TTK: variants seen among roughly 807,000 people sequenced by gnomAD.
The protein encoded by TTK is TTK protein kinase, also known as dual specificity protein kinase TTK.
TTK carries 59 observed loss-of-function variants against 117.3 expected under a neutral mutation model. The ratio of observed to expected loss-of-function variants is 0.50; its 90% CI spans 0.41 to 0.62. TTK has a LOEUF of 0.62. TTK is among the 20% of genes least tolerant of loss of function. The pLI, the probability that TTK is intolerant of heterozygous loss-of-function variation, is 0.00. For synonymous variants in TTK, 302 were observed against 325.0 expected (o/e 0.93, Z 0.76); for missense variants, 921 against 989.4 (o/e 0.93, Z 0.93).
At chr6:80,032,814 A>T (rs931308191) in intron 14 of TTK, among the ~76,000 whole-genome samples, 4 of 152,176 alleles carry the variant, frequency 2.6e-5, no homozygotes, top group African/African-American at 9.7e-5. Flanking sequence ...AAAGGAATTC[A>T]TTTACTCAGT....
chr6:80,032,553 T>C (rs1416925953), intron 14 of TTK, among the ~76,000 whole-genome samples: 1 of 152,214 alleles, frequency 6.6e-6, no homozygotes, highest in Non-Finnish European at 1.5e-5. Flanking sequence ...TACCAGGCAT[T>C]TAAAACAATA....
In TTK at chr6:80,014,445, ATTTTCT is replaced by A. The variant is rs767043073; in HGVS notation, c.985-12_985-7del. 5.9e-5 allele frequency: 94 copies of A among 1,583,820 alleles called. 1 individual carries two copies. The East Asian group carries it at 1.9e-3, about 32-fold the overall frequency. On this transcript the variant is annotated splice_polypyrimidine_tract_variant and intron_variant, in intron 9 of 21. Transcript: ENST00000369798. ...ACTACTATTTATGGGACTTTATTTG[ATTTTCT>A]TTTTCATGTAGTCTGTTCAAAATAG...
At chr6:80,013,555 A>C in intron 9 of TTK, 189 bp downstream of exon 9, 1 of 459,270 alleles carries the variant, frequency 2.2e-6, no homozygotes, top group East Asian at 3.9e-5. Flanking sequence ...TGTTTCTCCA[A>C]GATTAAGGTG....
intron 14 of TTK, among the ~76,000 whole-genome samples, chr6:80,034,649 T>G (rs1436258604): frequency 6.6e-6 from 1 of 152,128 alleles, no homozygotes; most frequent in Non-Finnish European, 1.5e-5. Context: ...TTTTGGAAAG[T>G]CTTTTTCTTT....
At chr6:80,019,330 C>T (rs986836259) in intron 10 of TTK, among the ~76,000 whole-genome samples, 1 of 152,086 alleles carries the variant, frequency 6.6e-6, no homozygotes, top group Non-Finnish European at 1.5e-5. Context: ...TTTTATTAAC[C>T]AAATGCTAGC....
chr6:80,008,927 A>ATC (rs1203874384), intron 4 of TTK, among the ~76,000 whole-genome samples: 17 of 61,366 alleles, frequency 2.8e-4, no homozygotes, highest in African/African-American at 9.1e-4. Context: ...TAAACTATAT[A>ATC]TCTGTGTGTG....
At position 80,037,190 on chromosome 6, in the gene TTK, C is replaced by G. The variant is rs1207255274; in HGVS notation, c.2049+591C>G. Among the ~76,000 whole-genome samples the G allele has an allele frequency of 5.3e-5, 8 of 152,002 alleles. No homozygotes were observed. In the South Asian group the frequency reaches 1.2e-3, roughly 24 times the overall value. On this transcript the variant is annotated intron_variant, in intron 17 of 21. Transcript: ENST00000369798. ...TTGCTTGGAACCAAGATGATATGTTCCATGTTTACAGATTTTTGATGTGAG... is the reference window on the plus strand; with the variant it reads ...TTGCTTGGAACCAAGATGATATGTTGCATGTTTACAGATTTTTGATGTGAG...
intron 10 of TTK, among the ~76,000 whole-genome samples, chr6:80,018,894 T>TG (rs1338557746): frequency 6.6e-6 from 1 of 152,150 alleles, no homozygotes; most frequent in African/African-American, 2.4e-5. Flanking sequence ...ATAGTTTTTT[T>TG]TGTGTGACTG....
At chr6:80,012,647 A>G (rs1767191861) in intron 8 of TTK, among the ~76,000 whole-genome samples, 1 of 152,072 alleles carries the variant, frequency 6.6e-6, no homozygotes, top group African/African-American at 2.4e-5. Context: ...AATAAACTTT[A>G]GAAATACGAT....
intron 4 of TTK, among the ~76,000 whole-genome samples, chr6:80,009,438 C>CT (rs1256818614): frequency 1.3e-5 from 2 of 152,006 alleles, no homozygotes; most frequent in Non-Finnish European, 2.9e-5. Context: ...TATCAGGTTA[C>CT]TTTTTAGAAC....
In TTK at chr6:80,040,719, C is replaced by G; in HGVS notation, c.2490+16C>G. 5.6e-6 allele frequency: 9 copies of G among 1,603,780 alleles called. No homozygotes were observed. The highest frequency in any genetic ancestry group is 7.7e-6 in the Non-Finnish European group (9 of 1,175,032). On this transcript the variant is annotated intron_variant, in intron 21 of 21. Transcript: ENST00000369798. Reference sequence around the variant, plus strand: ...AGCTGCTAAAGTAAGTATGTCTATTCTTTACATTAATTTTTACTGTTTTAT... The same window carrying G: ...AGCTGCTAAAGTAAGTATGTCTATTGTTTACATTAATTTTTACTGTTTTAT...
Position 80,036,612 on chromosome 6 carries a change from G to A in TTK, c.2049+13G>A, listed in dbSNP as rs776480445. ...TAAAGATTCTCAGGTAAGACTTAATGTTGGTTCTCTCACAGTAGAGTTCAA... is the reference window on the plus strand; with the variant it reads ...TAAAGATTCTCAGGTAAGACTTAATATTGGTTCTCTCACAGTAGAGTTCAA... On this transcript the variant is annotated intron_variant, in intron 17 of 21. Coordinates refer to ENST00000369798, the MANE Select transcript of TTK (RefSeq NM_003318.5). The A allele has an allele frequency of 5.0e-6, 8 of 1,601,540 alleles. No homozygotes were observed. The highest frequency in any genetic ancestry group is 6.0e-6 in the Non-Finnish European group (7 of 1,174,824).
rs553283600 is a variant in TTK, at chr6:80,013,880, T to C, written c.984+514T>C. 2.6e-5 allele frequency among the ~76,000 whole-genome samples: 4 copies of C among 152,226 alleles called. No individual in the cohort carries two copies. In the East Asian group the frequency reaches 7.7e-4, roughly 29 times the overall value. On this transcript the variant is annotated intron_variant, in intron 9 of 21. Coordinates refer to ENST00000369798, the MANE Select transcript of TTK (RefSeq NM_003318.5). ...ACTGTGATTTTTAGTGGTTATACTATTATTATAATTGAGTTAAACCCCTGG... is the reference window on the plus strand; with the variant it reads ...ACTGTGATTTTTAGTGGTTATACTACTATTATAATTGAGTTAAACCCCTGG...
chr6:80,010,421 T>C (rs933250065), intron 4 of TTK, among the ~76,000 whole-genome samples: 3 of 150,732 alleles, frequency 2.0e-5, no homozygotes. Flanking sequence ...TGTAAGAGAC[T>C]GATGCTCTTG....
chr6:80,028,278 G>A (rs972150311), intron 13 of TTK, among the ~76,000 whole-genome samples: 2 of 149,842 alleles, frequency 1.3e-5, no homozygotes, highest in East Asian at 2.0e-4. Context: ...ATGAATCAAG[G>A]TTACCTTTTA....
chr6:80,031,369 A>T, intron 13 of TTK, 98 bp from the exon 14 acceptor site: 1 of 557,290 alleles, frequency 1.8e-6, no homozygotes, highest in Non-Finnish European at 2.8e-6. Context: ...ATTAAGATTT[A>T]AGATAATTTC....
chr6:80,040,357 C>T (rs2127685231), intron 20 of TTK, 77 bp downstream of exon 20: 1 of 1,261,364 alleles, frequency 7.9e-7, no homozygotes, highest in South Asian at 1.7e-5. Context: ...ATAACAAAGA[C>T]AGAATCTAAA....
At chr6:80,018,626 CAAAAAAA>C (rs398048650) in intron 10 of TTK, among the ~76,000 whole-genome samples, 1 of 87,368 alleles carries the variant, frequency 1.1e-5, no homozygotes, top group Admixed American at 1.2e-4. Flanking sequence ...GACTCCGTCT[CAAAAAAA>C]AAAAAAAAAA....
At chr6:80,013,095 G>A (rs1767203516) in intron 8 of TTK, among the ~76,000 whole-genome samples, 184 bp from the exon 9 acceptor site, 2 of 151,886 alleles carry the variant, frequency 1.3e-5, no homozygotes, top group Admixed American at 6.6e-5. Context: ...TGCCCAGCAC[G>A]TAATTTTGTT....
Sources: gnomAD v4.1 joint callset for allele counts (sites outside exome capture counted in the v4.1 genomes callset) on GRCh38, gnomAD v4.1.1 for gene constraint, MANE v1.5 for transcripts, NCBI Gene and HGNC (gene_info 2026-07-23, HGNC 2026-07-21) for gene names.